Variants in FBRSL1 observed in about 807,000 individuals in gnomAD.
FBRSL1 encodes the protein fibrosin like 1, also known as fibrosin-1-like protein.
FBRSL1 carries 51 observed loss-of-function variants against 89.6 expected under a neutral mutation model. The observed-to-expected ratio is 0.57, with a 90% CI of 0.45 to 0.72. FBRSL1 has a LOEUF of 0.72. Among genes scored for constraint, FBRSL1 ranks in the 30% least tolerant of loss-of-function variants. FBRSL1 has a pLI of 0.00. For synonymous variants in FBRSL1, 779 were observed against 681.1 expected (o/e 1.14, Z -2.24); for missense variants, 1,618 against 1,451.8 (o/e 1.11, Z -1.86).
intron 1 of FBRSL1, 48 bp from the exon 2 acceptor site, chr12:132,508,105 G>A: frequency 7.0e-7 from 1 of 1,419,402 alleles, no homozygotes. Context: ...CTGGGCCCAA[G>A]GCCCTGGGGT....
chr12:132,518,351 A>T (rs973564423), intron 2 of FBRSL1, among the ~76,000 whole-genome samples: 3 of 149,992 alleles, frequency 2.0e-5, no homozygotes, highest in Non-Finnish European at 4.4e-5. Flanking sequence ...CCACGCATTC[A>T]TCATCCACTC....
At chr12:132,493,478 C>G (rs879527240) in intron 1 of FBRSL1, among the ~76,000 whole-genome samples, 3 of 152,168 alleles carry the variant, frequency 2.0e-5, no homozygotes, top group African/African-American at 7.2e-5. Flanking sequence ...AGACCCCACA[C>G]ACACTGGGAC....
intron 2 of FBRSL1, chr12:132,511,951 C>T (rs892130482): frequency 1.2e-4 from 118 of 983,960 alleles, no homozygotes; most frequent in Non-Finnish European, 1.4e-4. Flanking sequence ...TTTTTTATAA[C>T]AGCATCAGCG....
At chr12:132,551,636 GGA>G in intron 5 of FBRSL1, 1 of 454,118 alleles carries the variant, frequency 2.2e-6, no homozygotes, top group South Asian at 1.6e-5. Context: ...CAATCAAGGT[GGA>G]GACTTTGGGA....
In FBRSL1 at chr12:132,582,266, G is replaced by A. The variant is rs1474642560; in HGVS notation, c.2201G>A (p.Arg734Gln). The change falls in exon 18 of 19, where the codon CGG becomes CAG. Residue 734 changes from arginine to glutamine, a missense_variant and splice_region_variant. By Grantham distance (43) the Arg-to-Gln change is conservative (BLOSUM62 1). Transcript: ENST00000680143. Reference sequence around the variant, plus strand: ...GACAATGGCAAGGAGGAGCAGGAACGGTGAGTGGCCCTCTTGTTCCGTATC... The same window carrying A: ...GACAATGGCAAGGAGGAGCAGGAACAGTGAGTGGCCCTCTTGTTCCGTATC... ...EPDNGKEEQE[R>Q]DLLEKTRLLS... The A allele has an allele frequency of 6.5e-6, 10 of 1,549,692 alleles. No homozygotes were observed. Among genetic ancestry groups the A allele is most frequent in the Middle Eastern group, 1.7e-4 (1 of 5,986 alleles).
In FBRSL1 at chr12:132,569,927, C is replaced by T. The variant is rs2039891663; in HGVS notation, c.693C>T (p.Gly231=). The change falls in exon 7 of 19, where the codon GGC becomes GGT. Residue 231 remains glycine (G), a splice_region_variant and synonymous_variant. Coordinates refer to ENST00000680143, the MANE Select transcript of FBRSL1 (RefSeq NM_001367871.1). ...AACGCAGCCACCCTCTCTCTGCAGG[C>T]CCAGCGCTTGAGAAGTCGGAGGCCA... ...EKLFAPGTDK[G]PALEKSEAKA... The T allele has an allele frequency of 7.1e-7, 1 of 1,403,570 alleles. No homozygotes were observed. The highest frequency in any genetic ancestry group is 1.6e-5 in the South Asian group (1 of 63,664). The allele number at this position is 1,403,570 out of a possible 1,614,324, so 86.9% of individuals were successfully genotyped here.
chr12:132,541,897 C>A (rs560882937), intron 4 of FBRSL1, among the ~76,000 whole-genome samples: 1 of 123,344 alleles, frequency 8.1e-6, no homozygotes, highest in Admixed American at 7.6e-5. Context: ...CAGAGCTGCT[C>A]CCCCCACCAC....
chr12:132,536,014 G>A (rs2137098209), intron 4 of FBRSL1, among the ~76,000 whole-genome samples: 1 of 152,052 alleles, frequency 6.6e-6, no homozygotes, highest in African/African-American at 2.4e-5. Flanking sequence ...GTGGATGTTT[G>A]TACATGGTGT....
intron 2 of FBRSL1, 47 bp from the exon 3 acceptor site, chr12:132,525,687 G>A (rs896289787): frequency 2.6e-5 from 39 of 1,480,752 alleles, no homozygotes; most frequent in African/African-American, 5.6e-5. Flanking sequence ...CGATGCGGAC[G>A]CGGTGAGGTG....
At position 132,570,174 on chromosome 12, in the gene FBRSL1, G is replaced by A. The variant is rs1382133020; in HGVS notation, c.940G>A (p.Val314Met). The change falls in exon 7 of 19, where the codon GTG becomes ATG. Residue 314 changes from valine (V) to methionine (M), a missense_variant. Val to Met is a conservative substitution (Grantham distance 21). Transcript: ENST00000680143. ...PQPRGLLPTH[V>M]PASLGAFAGH... is the part of the protein sequence containing the mutation. Reference sequence around the variant, plus strand: ...GCCCCGCGGCCTGCTCCCGACACACGTGCCTGCATCCCTGGGCGCCTTCGC... The same window carrying A: ...GCCCCGCGGCCTGCTCCCGACACACATGCCTGCATCCCTGGGCGCCTTCGC... The A allele has an allele frequency of 1.9e-5, 29 of 1,504,472 alleles. No individual in the cohort carries two copies. Among genetic ancestry groups the A allele is most frequent in the South Asian group, 5.0e-5 (4 of 80,696 alleles). 93.2% of individuals were successfully genotyped at this position (1,504,472 alleles called of 1,614,324 possible).
chr12:132,494,789 G>C (rs778017995), intron 1 of FBRSL1, among the ~76,000 whole-genome samples: 1 of 152,206 alleles, frequency 6.6e-6, no homozygotes, highest in East Asian at 1.9e-4. Flanking sequence ...GAAGGTCCAC[G>C]TGTGTCCCAG....
At chr12:132,556,047 C>T (rs1485939546) in intron 5 of FBRSL1, among the ~76,000 whole-genome samples, 3 of 152,164 alleles carry the variant, frequency 2.0e-5, no homozygotes, top group African/African-American at 4.8e-5. Context: ...TGTGTTTCCG[C>T]GAAGTTCCGG....
intron 4 of FBRSL1, among the ~76,000 whole-genome samples, chr12:132,537,178 G>T (rs1310198538): frequency 6.6e-6 from 1 of 152,220 alleles, no homozygotes; most frequent in African/African-American, 2.4e-5. Context: ...CGTGTGGTGG[G>T]TGCCCTCTGC....
intron 2 of FBRSL1, chr12:132,511,891 C>T (rs1407351605): frequency 4.1e-6 from 4 of 984,984 alleles, no homozygotes; most frequent in Non-Finnish European, 4.8e-6. Flanking sequence ...ATCCCAGAAG[C>T]GCAGGGCTTA....
At chr12:132,507,130 C>T in intron 1 of FBRSL1, 1 of 935,394 alleles carries the variant, frequency 1.1e-6, no homozygotes, top group Non-Finnish European at 1.3e-6. Flanking sequence ...GGGGCGGGTC[C>T]TCCTCGGGGA....
rs544116089 is a variant in FBRSL1 at position 132,581,605 on chromosome 12, C to T, written c.1912+89C>T. On this transcript the variant is annotated intron_variant, in intron 16 of 18. Coordinates refer to ENST00000680143, the MANE Select transcript of FBRSL1 (RefSeq NM_001367871.1). ...AATTAGGTGGGCGGGAAGGTGGCCC[C>T]GAGCCCCAGGGAGCCCCTTGGGTCA... 3,679 of 1,507,032 alleles carry T rather than the reference C, an allele frequency of 2.4e-3. 7 individuals carry two copies. Among genetic ancestry groups the T allele is most frequent in the Middle Eastern group, 5.4e-3 (30 of 5,518 alleles). 93.4% of individuals were successfully genotyped at this position (1,507,032 alleles called of 1,614,324 possible). A position where few individuals can be genotyped will look rare whatever the true frequency, so the allele number is the denominator to read the frequency against.
chr12:132,562,632 C>T (rs1158069997), intron 5 of FBRSL1, among the ~76,000 whole-genome samples: 1 of 72,718 alleles, frequency 1.4e-5, no homozygotes, highest in African/African-American at 6.3e-5. Context: ...CTCAGCATCC[C>T]TTCCCACCAG....
intron 2 of FBRSL1, among the ~76,000 whole-genome samples, chr12:132,514,686 G>A (rs1399605512): frequency 6.6e-6 from 1 of 152,200 alleles, no homozygotes; most frequent in South Asian, 2.1e-4. Flanking sequence ...ACACGACCTA[G>A]AGGGCTCCCT....
intron 2 of FBRSL1, chr12:132,510,283 T>C (rs2034185890): frequency 1.6e-6 from 2 of 1,230,272 alleles, no homozygotes; most frequent in East Asian, 6.3e-5. Flanking sequence ...CTGGGGCTCC[T>C]GTGCCAGCCG....
Sources: allele counts gnomAD v4.1 joint callset (sites outside exome capture counted in the v4.1 genomes callset), GRCh38; gene constraint gnomAD v4.1.1; transcripts MANE v1.5; gene names NCBI Gene and HGNC (gene_info 2026-07-23, HGNC 2026-07-21).